FBLIM1: variants seen among roughly 807,000 people sequenced by gnomAD.
FBLIM1 encodes the protein filamin-binding LIM protein 1.
In FBLIM1, 29 loss-of-function variants were observed where a neutral mutation model predicts 37.4. The observed-to-expected ratio is 0.77, with a 90% CI of 0.58 to 1.06. The LOEUF is 1.06. Ranked by LOEUF, FBLIM1 falls within the 50% of genes least tolerant of loss-of-function variation. FBLIM1 has a pLI of 0.00. For synonymous variants in FBLIM1, 193 were observed against 199.0 expected, an observed-to-expected ratio of 0.97 and a Z score of 0.25; for missense variants, 449 against 505.6, an observed-to-expected ratio of 0.89 and a Z score of 1.07.
rs539874999 is a variant in FBLIM1 at position 15,769,004 on chromosome 1, G to A, written c.541+374G>A. On this transcript the variant is annotated intron_variant, in intron 5 of 8. Transcript: ENST00000375766. ...TACCACCCGGTTTCCTTCCAGATGG[G>A]TGTCCTCTGTCATTGAGCTCTCATG... Among the ~76,000 whole-genome samples, 140 of 152,234 alleles carry A rather than the reference G, an allele frequency of 9.2e-4. 1 individual carries two copies. The highest frequency in any genetic ancestry group is 5.8e-3 in the South Asian group (28 of 4,828).
intron 3 of FBLIM1, 33 bp from the exon 4 acceptor site, chr1:15,767,343 C>G: frequency 6.6e-7 from 1 of 1,521,354 alleles, no homozygotes; most frequent in Non-Finnish European, 8.8e-7. Flanking sequence ...ACCTGGGAGG[C>G]TCTGACCAGC....
At chr1:15,777,050 A>G (rs1443208109) in intron 7 of FBLIM1, 120 bp from the exon 8 acceptor site, 3 of 733,402 alleles carry the variant, frequency 4.1e-6, no homozygotes, top group Admixed American at 2.2e-5. Context: ...CTGCAGTCCC[A>G]TAGCAACGGG....
Position 15,784,767 on chromosome 1 carries a change from A to G in FBLIM1, c.*106A>G. ...TTGCACACTTTCCTTCTGAGCCTCCATGGAGACCAGCCTGCAAGCCGGCCC... is the reference window on the plus strand; with the variant it reads ...TTGCACACTTTCCTTCTGAGCCTCCGTGGAGACCAGCCTGCAAGCCGGCCC... On this transcript the variant is annotated 3_prime_UTR_variant, in exon 9 of 9. Transcript: ENST00000375766. The G allele has an allele frequency of 2.0e-6, 2 of 990,476 alleles. No individual in the cohort carries two copies. Among genetic ancestry groups the G allele is most frequent in the Non-Finnish European group, 1.5e-6 (1 of 656,410 alleles). The allele number at this position is 990,476 out of a possible 1,614,324, so 61.4% of individuals were successfully genotyped here.
chr1:15,772,284 G>C (rs1296442232), intron 6 of FBLIM1, among the ~76,000 whole-genome samples: 1 of 152,204 alleles, frequency 6.6e-6, no homozygotes, highest in Non-Finnish European at 1.5e-5. Flanking sequence ...GAGGCACTGT[G>C]GGAAGAGAGA....
Position 15,770,491 on chromosome 1 carries a change from C to T in FBLIM1, c.624C>T (p.Cys208=). 3 of 1,613,888 alleles carry T rather than the reference C, an allele frequency of 1.9e-6. No individual in the cohort carries two copies. The highest frequency in any genetic ancestry group is 2.5e-6 in the Non-Finnish European group (3 of 1,179,998). ...EAMKRQYHAQ[C]FTCRTCRRQL... ...TGAAGAGGCAGTACCATGCCCAGTG[C>T]TTCACGTGCCGCACCTGCCGCCGCC... The change falls in exon 6 of 9, where the codon TGC becomes TGT. Residue 208 remains cysteine (C), a synonymous_variant. Transcript: ENST00000375766.
rs777184538 is a variant in FBLIM1, at chr1:15,777,242, C to G, written c.963C>G (p.Ile321Met). 12 of 1,613,212 alleles carry G rather than the reference C, an allele frequency of 7.4e-6. No individual in the cohort carries two copies. The highest frequency in any genetic ancestry group is 1.0e-5 in the Non-Finnish European group (12 of 1,179,462). The part of the protein sequence containing the change: ...IPRDGKDAFK[I>M]ECMGRNFHEN... ...GGGATGGGAAAGATGCCTTCAAAAT[C>G]GAATGCATGGGAAGAAACTTCCATG... Residue 321 changes from isoleucine (I) to methionine (M), a missense_variant, in exon 8 of 9, where the codon ATC (isoleucine) becomes ATG (methionine). By Grantham distance (10) the Ile-to-Met change is conservative. Coordinates refer to ENST00000375766, the MANE Select transcript of FBLIM1 (RefSeq NM_017556.4).
At chr1:15,770,260 A>T in intron 5 of FBLIM1, 149 bp from the exon 6 acceptor site, 1 of 795,478 alleles carries the variant, frequency 1.3e-6, no homozygotes, top group Non-Finnish European at 1.9e-6. Context: ...ATTCCTTTTT[A>T]ATGCTCCTCA....
intron 7 of FBLIM1, chr1:15,776,904 CAAAAA>C: frequency 9.6e-6 from 2 of 208,002 alleles, no homozygotes; most frequent in Non-Finnish European, 1.8e-5. Context: ...GAAAAAAAAA[CAAAAA>C]AGACAGATGA....
Position 15,765,512 on chromosome 1 carries a change from C to T in FBLIM1, c.250+279C>T, listed in dbSNP as rs1197879321. ...TCAAACTTGCCTGGGAAGGGCTGTCCTGTCACTGGTCAGCATGGCTGGCTG... is the reference window on the plus strand; with the variant it reads ...TCAAACTTGCCTGGGAAGGGCTGTCTTGTCACTGGTCAGCATGGCTGGCTG... On this transcript the variant is annotated intron_variant, in intron 3 of 8. Coordinates refer to ENST00000375766, the MANE Select transcript of FBLIM1 (RefSeq NM_017556.4). This position sits in a 1 kb window ranked among gnomAD's most constrained non-coding sequence, Gnocchi z 5.9. Among the ~76,000 whole-genome samples, 1 of 151,910 alleles carries T rather than the reference C, an allele frequency of 6.6e-6. No individual in the cohort carries two copies. The highest frequency in any genetic ancestry group is 1.5e-5 in the Non-Finnish European group (1 of 67,988).
At chr1:15,771,816 T>C (rs1397638028) in intron 6 of FBLIM1, among the ~76,000 whole-genome samples, 1 of 151,622 alleles carries the variant, frequency 6.6e-6, no homozygotes, top group Non-Finnish European at 1.5e-5. Flanking sequence ...ATCTCTTAGC[T>C]ACCACACGAG....
In FBLIM1 at chr1:15,770,588, G is replaced by A. The variant is rs1204374258; in HGVS notation, c.711+10G>A. 6.2e-7 allele frequency: 1 copy of A among 1,612,420 alleles called. No individual in the cohort carries two copies. The highest frequency in any genetic ancestry group is 1.3e-5 in the African/African-American group (1 of 74,912). ...CGAACCCTGCTACCAGGTAACCCCT[G>A]CAGCAGACCTCTGGGTGCCAGGCAG... On this transcript the variant is annotated intron_variant, in intron 6 of 8. Transcript: ENST00000375766.
chr1:15,765,648 C>T lies in FBLIM1; in HGVS notation c.250+415C>T, dbSNP rs571722745. Among the ~76,000 whole-genome samples the T allele has an allele frequency of 6.6e-6, 1 of 152,198 alleles. No individual in the cohort carries two copies. Reference sequence around the variant, plus strand: ...TGACCAGCTTGGTCATGCGCCTGGTCTGACTGCAGGACACAAAGGCTGGCC... The same window carrying T: ...TGACCAGCTTGGTCATGCGCCTGGTTTGACTGCAGGACACAAAGGCTGGCC... On this transcript the variant is annotated intron_variant, in intron 3 of 8. Transcript: ENST00000375766. This position sits in a 1 kb window ranked among gnomAD's most constrained non-coding sequence, Gnocchi z 5.9.
At position 15,780,890 on chromosome 1, in the gene FBLIM1, T is replaced by G. The variant is rs547179839; in HGVS notation, c.1008+3603T>G. 1.5e-4 allele frequency among the ~76,000 whole-genome samples: 23 copies of G among 152,260 alleles called. No individual in the cohort carries two copies. The South Asian group carries it at 4.8e-3, about 32-fold the overall frequency. On this transcript the variant is annotated intron_variant, in intron 8 of 8. Coordinates refer to ENST00000375766, the MANE Select transcript of FBLIM1 (RefSeq NM_017556.4). ...GTCAAAGTCCTGCTGATAATGCATT[T>G]TGAAAGCCCAGTGAGGAAGTTTAAG...
At chr1:15,769,562 T>C (rs189770696) in intron 5 of FBLIM1, among the ~76,000 whole-genome samples, 10 of 152,330 alleles carry the variant, frequency 6.6e-5, no homozygotes, top group African/African-American at 2.4e-4. Context: ...CCCAGCACTT[T>C]GGGAGGTCAA....
At chr1:15,759,130 G>T (rs1159622722) in intron 1 of FBLIM1, among the ~76,000 whole-genome samples, 1 of 152,066 alleles carries the variant, frequency 6.6e-6, no homozygotes, top group Non-Finnish European at 1.5e-5. Flanking sequence ...CGGGAGCCGG[G>T]GACCCGGCGC....
intron 3 of FBLIM1, among the ~76,000 whole-genome samples, chr1:15,766,108 T>C (rs1569757321): frequency 6.6e-6 from 1 of 152,202 alleles, no homozygotes; most frequent in African/African-American, 2.4e-5. Flanking sequence ...TTTGCATTTT[T>C]TTTTTTCGAG....
At chr1:15,763,304 A>T (rs2068763251) in intron 1 of FBLIM1, among the ~76,000 whole-genome samples, 1 of 151,736 alleles carries the variant, frequency 6.6e-6, no homozygotes, top group South Asian at 2.1e-4. Context: ...TCCAGACCTC[A>T]GGTGATCCAC....
At chr1:15,771,589 C>T (rs2069216320) in intron 6 of FBLIM1, among the ~76,000 whole-genome samples, 1 of 152,050 alleles carries the variant, frequency 6.6e-6, no homozygotes, top group Non-Finnish European at 1.5e-5. Flanking sequence ...ACTCCTTCCT[C>T]TGCTTCAAAG....
chr1:15,772,654 T>C (rs1356180829), intron 6 of FBLIM1, among the ~76,000 whole-genome samples: 1 of 152,140 alleles, frequency 6.6e-6, no homozygotes, highest in African/African-American at 2.4e-5. Flanking sequence ...AGGCAGCTTC[T>C]ATGAATGCAT....
Sources: gnomAD v4.1 joint callset for allele counts (sites outside exome capture counted in the v4.1 genomes callset) on GRCh38, gnomAD v4.1.1 for gene constraint, Gnocchi (gnomAD v3.1) non-coding constraint, MANE v1.5 for transcripts, NCBI Gene and HGNC (gene_info 2026-07-23, HGNC 2026-07-21) for gene names.